Variants in KLF15 observed in about 807,000 individuals in gnomAD.
KLF15 encodes the protein Krueppel-like factor 15.
A neutral mutation model predicts 24.6 loss-of-function variants in KLF15; 4 were observed. That is an observed-to-expected ratio of 0.16 (90% confidence interval 0.08 to 0.37). The LOEUF (loss-of-function observed/expected upper bound fraction) is 0.37, where lower values mean the gene tolerates loss of function less well. Among genes scored for constraint, KLF15 ranks in the 10% least tolerant of loss-of-function variants. KLF15 has a pLI of 1.00. For missense variants in KLF15, 496 were observed against 560.6 expected, an observed-to-expected ratio of 0.88 and a Z score of 1.16; for synonymous variants, 246 against 236.3, an observed-to-expected ratio of 1.04 and a Z score of -0.37.
the KLF15 span, among the ~76,000 whole-genome samples, chr3:126,328,394 G>A: frequency 1.1e-4 from 17 of 152,224 alleles, no homozygotes; most frequent in Admixed American, 6.5e-4. Flanking sequence ...ATAAACATGC[G>A]TGGGCCAGTA....
chr3:126,310,754 G>C, the KLF15 span, among the ~76,000 whole-genome samples: 1 of 152,072 alleles, frequency 6.6e-6, no homozygotes, highest in African/African-American at 2.4e-5. Context: ...TCACCTCAAT[G>C]ACCTCATTTT....
chr3:126,289,004 T>C, the KLF15 span: 1 of 152,150 alleles, frequency 6.6e-6, no homozygotes, highest in Non-Finnish European at 1.5e-5. Flanking sequence ...CTTCAGTAAT[T>C]CACACAGAAA....
chr3:126,289,832 A>G, the KLF15 span, among the ~76,000 whole-genome samples: 2 of 152,230 alleles, frequency 1.3e-5, no homozygotes, highest in Admixed American at 6.5e-5. Flanking sequence ...TGCCAAGATT[A>G]AGGACACGTC....
At chr3:126,332,038 G>T in the KLF15 span, among the ~76,000 whole-genome samples, 6 of 152,240 alleles carry the variant, frequency 3.9e-5, no homozygotes, top group Non-Finnish European at 5.9e-5. Flanking sequence ...AAACAAAGCA[G>T]CCAGGAAGCT....
the KLF15 span, among the ~76,000 whole-genome samples, chr3:126,294,684 G>T: frequency 1.3e-5 from 2 of 152,074 alleles, no homozygotes; most frequent in African/African-American, 4.8e-5. Context: ...CTGCTGCTGA[G>T]GTCAGCAGCT....
the KLF15 span, among the ~76,000 whole-genome samples, chr3:126,323,463 CATATATATGTTAT>C: frequency 1.3e-5 from 1 of 75,454 alleles, no homozygotes; most frequent in African/African-American, 6.4e-5. Flanking sequence ...ATATATATAA[CATATATATGTTAT>C]ATATATATAT....
At chr3:126,301,375 A>G in the KLF15 span, among the ~76,000 whole-genome samples, 2 of 152,148 alleles carry the variant, frequency 1.3e-5, no homozygotes, top group Admixed American at 6.5e-5. Context: ...GCTGCCCTCA[A>G]ATCAGATCTG....
the KLF15 span, among the ~76,000 whole-genome samples, chr3:126,317,806 A>G: frequency 2.4e-4 from 36 of 152,206 alleles, no homozygotes; most frequent in African/African-American, 8.2e-4. Context: ...AAACTTTCTT[A>G]ATAAACTTTC....
chr3:126,328,891 A>G, the KLF15 span, among the ~76,000 whole-genome samples: 2 of 151,950 alleles, frequency 1.3e-5, no homozygotes, highest in Non-Finnish European at 2.9e-5. Flanking sequence ...CCATTTTTCT[A>G]TTGGGATTTT....
At chr3:126,307,761 A>T in the KLF15 span, among the ~76,000 whole-genome samples, 1 of 152,312 alleles carries the variant, frequency 6.6e-6, no homozygotes, top group South Asian at 2.1e-4. Flanking sequence ...CCACTGGCTA[A>T]GGGGAGCCAT....
the KLF15 span, among the ~76,000 whole-genome samples, chr3:126,326,224 T>G: frequency 7.9e-6 from 1 of 125,856 alleles, no homozygotes; most frequent in Non-Finnish European, 1.6e-5. Context: ...CCTTGTAGTA[T>G]AGTTTGAAGT....
chr3:126,304,471 G>A, the KLF15 span, among the ~76,000 whole-genome samples: 43 of 152,194 alleles, frequency 2.8e-4, 1 homozygote, highest in African/African-American at 1.0e-3. Flanking sequence ...ACCTCAGTTC[G>A]TTCCCTCACA....
the KLF15 span, among the ~76,000 whole-genome samples, chr3:126,322,284 A>G: frequency 1.3e-5 from 2 of 152,208 alleles, no homozygotes; most frequent in African/African-American, 4.8e-5. Context: ...CAGAAGTCCC[A>G]GAATGAAGGT....
the KLF15 span, among the ~76,000 whole-genome samples, chr3:126,328,931 T>C: frequency 6.6e-6 from 1 of 152,244 alleles, no homozygotes; most frequent in Non-Finnish European, 1.5e-5. Flanking sequence ...TGTAGAACAG[T>C]TTTGTGCATT....
At chr3:126,301,285 C>T in the KLF15 span, among the ~76,000 whole-genome samples, 1 of 152,338 alleles carries the variant, frequency 6.6e-6, no homozygotes, top group Admixed American at 6.5e-5. Flanking sequence ...TTCGCTTTCT[C>T]GCTAACAAGG....
intron 2 of KLF15, among the ~76,000 whole-genome samples, chr3:126,349,449 A>C (rs537387487): frequency 2.0e-5 from 3 of 152,280 alleles, no homozygotes; most frequent in African/African-American, 7.2e-5. Context: ...GACCAGTGCC[A>C]GGGCTCAGAT....
At chr3:126,349,825 C>A (rs2082568273) in intron 2 of KLF15, among the ~76,000 whole-genome samples, 1 of 152,204 alleles carries the variant, frequency 6.6e-6, no homozygotes, top group Non-Finnish European at 1.5e-5. Context: ...CCGCCCTCAC[C>A]AAGAGGAGAG....
chr3:126,351,726 C>T, intron 2 of KLF15, 115 bp downstream of exon 2: 1 of 892,882 alleles, frequency 1.1e-6, no homozygotes, highest in Non-Finnish European at 1.6e-6. Flanking sequence ...CTGCCCCTCC[C>T]TCCCCTCCCT....
chr3:126,340,293 C>T (rs921408531), downstream of KLF15, among the ~76,000 whole-genome samples: 17 of 152,208 alleles, frequency 1.1e-4, no homozygotes, highest in African/African-American at 1.9e-4. Flanking sequence ...TACTGAGTTC[C>T]GGCCAACAGA....
Sources: gnomAD v4.1 joint callset for allele counts (sites outside exome capture counted in the v4.1 genomes callset) on GRCh38, gnomAD v4.1.1 for gene constraint, MANE v1.5 for transcripts, NCBI Gene and HGNC (gene_info 2026-07-23, HGNC 2026-07-21) for gene names.